Variants in CRPPA observed in about 807,000 individuals in gnomAD.
CRPPA encodes the protein CDP-L-ribitol pyrophosphorylase A.
In CRPPA, 43 loss-of-function variants were observed where a neutral mutation model predicts 52.0. The observed-to-expected ratio is 0.83, with a 90% CI of 0.65 to 1.07. The LOEUF (loss-of-function observed/expected upper bound fraction) is 1.07. Among genes scored for constraint, CRPPA ranks in the 50% least tolerant of loss-of-function variants. The probability of loss-of-function intolerance (pLI) is 0.00; values close to 1 mark genes in which losing one functional copy is unlikely to be tolerated. For missense variants in CRPPA, 629 were observed against 551.7 expected (o/e 1.14, Z -1.40); for synonymous variants, 250 against 203.5 (o/e 1.23, Z -1.94).
At position 16,276,177 on chromosome 7, in the gene CRPPA, TA is replaced by T. The variant is rs1428337628; in HGVS notation, c.933+1951del. The stretch of plus-strand genomic sequence containing the variant: ...GAGATTAGAAAAACTCAGGAGAATG[TA>T]ATAGCTGTGGATGGCCAAAGAACAT... On this transcript the variant is annotated intron_variant, in intron 6 of 9. Transcript: ENST00000407010. Among the ~76,000 whole-genome samples the T allele has an allele frequency of 3.9e-5, 6 of 151,918 alleles. 1 individual carries two copies. Among genetic ancestry groups the T allele is most frequent in the African/African-American group, 1.4e-4 (6 of 41,392 alleles).
intron 9 of CRPPA, among the ~76,000 whole-genome samples, chr7:16,213,921 G>A (rs1378498844): frequency 1.3e-5 from 2 of 152,078 alleles, no homozygotes; most frequent in African/African-American, 2.4e-5. Flanking sequence ...AATTGTGAAA[G>A]CAAGCTTTAT....
intron 6 of CRPPA, among the ~76,000 whole-genome samples, chr7:16,274,169 C>T (rs1763503339): frequency 6.6e-6 from 1 of 152,182 alleles, no homozygotes; most frequent in African/African-American, 2.4e-5. Context: ...CCTGCCTCAG[C>T]CTCCCGAGTA....
intron 3 of CRPPA, among the ~76,000 whole-genome samples, chr7:16,364,010 T>C (rs528857072): frequency 6.6e-6 from 1 of 152,260 alleles, no homozygotes; most frequent in African/African-American, 2.4e-5. Context: ...CTTCAAAGAA[T>C]GTAACAGATC....
chr7:16,331,364 G>T (rs1157606594), intron 3 of CRPPA, among the ~76,000 whole-genome samples: 2 of 152,114 alleles, frequency 1.3e-5, no homozygotes, highest in African/African-American at 2.4e-5. Flanking sequence ...ACTATGGAAT[G>T]CTTTCCCGCC....
At chr7:16,348,887 C>T (rs1267414754) in intron 3 of CRPPA, among the ~76,000 whole-genome samples, 10 of 152,210 alleles carry the variant, frequency 6.6e-5, no homozygotes, top group Admixed American at 6.5e-4. Context: ...ACCCAAGGGA[C>T]TGTCTCCTTA....
At chr7:16,242,760 G>A (rs1783155557) in intron 8 of CRPPA, among the ~76,000 whole-genome samples, 1 of 152,020 alleles carries the variant, frequency 6.6e-6, no homozygotes, top group African/African-American at 2.4e-5. Flanking sequence ...ATGCTGACCA[G>A]TCTCCAATTA....
intron 4 of CRPPA, 112 bp from the exon 5 acceptor site, chr7:16,301,578 T>C: frequency 1.6e-6 from 1 of 620,990 alleles, no homozygotes; most frequent in Admixed American, 2.7e-5. Flanking sequence ...AAACATGTAA[T>C]ACTGACATTT....
intron 6 of CRPPA, among the ~76,000 whole-genome samples, chr7:16,275,256 T>C (rs1784177088): frequency 6.6e-6 from 1 of 152,136 alleles, no homozygotes; most frequent in Admixed American, 6.5e-5. Context: ...CAACAGAAAC[T>C]AGGAGAAGCC....
At chr7:16,308,209 T>C (rs1459079391) in intron 4 of CRPPA, among the ~76,000 whole-genome samples, 2 of 152,178 alleles carry the variant, frequency 1.3e-5, no homozygotes, top group Non-Finnish European at 2.9e-5. Flanking sequence ...CTCATTCCTT[T>C]ATAAATTACC....
At chr7:16,231,937 G>T (rs1176827792) in intron 8 of CRPPA, among the ~76,000 whole-genome samples, 3 of 152,192 alleles carry the variant, frequency 2.0e-5, no homozygotes, top group Non-Finnish European at 2.9e-5. Flanking sequence ...CATGGTACAT[G>T]GAGGAATCCA....
chr7:16,095,161 G>C (rs1781912001), intron 9 of CRPPA, among the ~76,000 whole-genome samples: 1 of 152,114 alleles, frequency 6.6e-6, no homozygotes, highest in Admixed American at 6.6e-5. Context: ...TTTAATTGAT[G>C]ACTATTTACA....
At chr7:16,339,723 AT>A (rs1427879915) in intron 3 of CRPPA, among the ~76,000 whole-genome samples, 2 of 152,242 alleles carry the variant, frequency 1.3e-5, no homozygotes, top group Non-Finnish European at 2.9e-5. Flanking sequence ...AGAAATAAGT[AT>A]TCTGATTGGA....
intron 9 of CRPPA, among the ~76,000 whole-genome samples, chr7:16,137,385 C>G (rs189001501): frequency 6.6e-6 from 1 of 151,738 alleles, no homozygotes; most frequent in South Asian, 2.1e-4. Context: ...TTCAACAGCC[C>G]GAAAAGACTA....
chr7:16,166,528 C>T (rs746489188), intron 9 of CRPPA, among the ~76,000 whole-genome samples: 1 of 152,142 alleles, frequency 6.6e-6, no homozygotes, highest in Admixed American at 6.5e-5. Context: ...AATCCACCCC[C>T]CTCAATCTCT....
At chr7:16,326,312 A>G (rs1459716456) in intron 3 of CRPPA, among the ~76,000 whole-genome samples, 1 of 152,218 alleles carries the variant, frequency 6.6e-6, no homozygotes, top group Non-Finnish European at 1.5e-5. Context: ...GGGAAAAAAT[A>G]AAACCCAGCT....
At chr7:16,248,197 A>T (rs1232391419) in intron 8 of CRPPA, 1 of 152,046 alleles carries the variant, frequency 6.6e-6, no homozygotes, top group Admixed American at 6.6e-5. Context: ...AAATTAGCCA[A>T]ATGTGGCGGC....
At chr7:16,339,475 A>C (rs1785768534) in intron 3 of CRPPA, among the ~76,000 whole-genome samples, 1 of 152,208 alleles carries the variant, frequency 6.6e-6, no homozygotes, top group Non-Finnish European at 1.5e-5. Flanking sequence ...GATGGAGAAA[A>C]CGTATTTGAT....
At chr7:16,107,761 T>G (rs188103251) in intron 9 of CRPPA, among the ~76,000 whole-genome samples, 40 of 152,204 alleles carry the variant, frequency 2.6e-4, no homozygotes, top group Admixed American at 1.4e-3. Flanking sequence ...GAGGGTTTTA[T>G]ACTAGTATGA....
At chr7:16,303,163 G>A (rs1228205990) in intron 4 of CRPPA, among the ~76,000 whole-genome samples, 1 of 152,102 alleles carries the variant, frequency 6.6e-6, no homozygotes, top group Non-Finnish European at 1.5e-5. Context: ...CATTTTAATA[G>A]ATTGGTTGAA....
Sources: gnomAD v4.1 joint callset for allele counts (sites outside exome capture counted in the v4.1 genomes callset) on GRCh38, gnomAD v4.1.1 for gene constraint, MANE v1.5 for transcripts, NCBI Gene and HGNC (gene_info 2026-07-23, HGNC 2026-07-21) for gene names.